ZBTB2: variants seen among roughly 807,000 people sequenced by gnomAD.
ZBTB2 encodes the protein zinc finger and BTB domain containing 2.
In ZBTB2, 2 loss-of-function variants were observed where a neutral mutation model predicts 39.5. The ratio of observed to expected loss-of-function variants is 0.05; its 90% confidence interval spans 0.02 to 0.16. The LOEUF is 0.16. Ranked by LOEUF, ZBTB2 falls within the 10% of genes least tolerant of loss-of-function variation. The pLI, the probability that ZBTB2 is intolerant of heterozygous loss-of-function variation, is 1.00. For synonymous variants in ZBTB2, 251 were observed against 256.6 expected (o/e 0.98, Z 0.21); for missense variants, 391 against 653.0 (o/e 0.60, Z 4.37).
At chr6:151,376,039 C>A (rs1429081628) in intron 1 of ZBTB2, among the ~76,000 whole-genome samples, 1 of 152,078 alleles carries the variant, frequency 6.6e-6, no homozygotes, top group African/African-American at 2.4e-5. Flanking sequence ...TAAATATGCA[C>A]AACTGATTAC....
intron 2 of ZBTB2, among the ~76,000 whole-genome samples, chr6:151,368,764 C>T (rs1778710794): frequency 7.4e-6 from 1 of 135,934 alleles, no homozygotes; most frequent in Non-Finnish European, 1.6e-5. Flanking sequence ...ATTTTTCTTT[C>T]TTTTTTTTTT....
At position 151,366,084 on chromosome 6, in the gene ZBTB2, T is replaced by C. The variant is rs767635479; in HGVS notation, c.982A>G (p.Ile328Val). ...SELQHISDSP[I>V]IDGQQQSETP... ...TCCGACTGCTGCTGCCCATCGATGA[T>C]GGGAGAATCAGAGATGTGCTGCAGC... Residue 328 changes from isoleucine (I) to valine (V), a missense_variant, in exon 3 of 3, where the codon ATC becomes GTC. By Grantham distance (29) the Ile-to-Val change is conservative. Coordinates refer to ENST00000325144, the MANE Select transcript of ZBTB2 (RefSeq NM_020861.3). This position sits in a 1 kb window ranked among gnomAD's most constrained non-coding sequence, Gnocchi z 7.1. 6.2e-7 allele frequency: 1 copy of C among 1,614,150 alleles called. No homozygotes were observed. Among genetic ancestry groups the C allele is most frequent in the Non-Finnish European group, 8.5e-7 (1 of 1,180,020 alleles).
chr6:151,373,320 G>A (rs1393450353), intron 2 of ZBTB2, 145 bp downstream of exon 2: 1 of 763,556 alleles, frequency 1.3e-6, no homozygotes, highest in East Asian at 2.7e-5. Context: ...GTAACAAGAA[G>A]GGTAGTGGGG....
intron 1 of ZBTB2, among the ~76,000 whole-genome samples, chr6:151,379,543 G>A (rs1354100393): frequency 1.4e-5 from 2 of 148,092 alleles, no homozygotes; most frequent in Non-Finnish European, 3.0e-5. Flanking sequence ...TCTGGAAGCT[G>A]AAGTGGGAGG....
rs1319941526 is a variant in ZBTB2 at position 151,366,559 on chromosome 6, C to T, written c.507G>A (p.Glu169=). The change falls in exon 3 of 3, where the codon GAG becomes GAA. Residue 169 remains glutamate (E), a synonymous_variant. Coordinates refer to ENST00000325144, the MANE Select transcript of ZBTB2 (RefSeq NM_020861.3). This position sits in a 1 kb window ranked among gnomAD's most constrained non-coding sequence, Gnocchi z 7.1. ...PRPQTSRISQ[E]QVPEASQLSQ... ...AGAGCTGTGAGGCCTCAGGGACCTG[C>T]TCCTGGCTTATCCTGGAGGTCTGTG... 1.2e-6 allele frequency: 2 copies of T among 1,614,110 alleles called. No homozygotes were observed. The highest frequency in any genetic ancestry group is 1.3e-5 in the African/African-American group (1 of 75,014).
intron 1 of ZBTB2, among the ~76,000 whole-genome samples, chr6:151,378,347 T>A (rs1053049287): frequency 6.6e-6 from 1 of 152,196 alleles, no homozygotes; most frequent in Non-Finnish European, 1.5e-5. Flanking sequence ...CATTTGGGTA[T>A]AAAGACCTAG....
At chr6:151,372,683 C>T (rs1778810722) in intron 2 of ZBTB2, among the ~76,000 whole-genome samples, 1 of 152,042 alleles carries the variant, frequency 6.6e-6, no homozygotes, top group Admixed American at 6.5e-5. Flanking sequence ...AAGAGGGAAA[C>T]TGGAGAAATT....
At chr6:151,374,999 A>T (rs1778877074) in intron 1 of ZBTB2, among the ~76,000 whole-genome samples, 1 of 151,474 alleles carries the variant, frequency 6.6e-6, no homozygotes, top group Admixed American at 6.6e-5. Context: ...AGGCGCCTGT[A>T]GTCCCAGCTA....
intron 1 of ZBTB2, among the ~76,000 whole-genome samples, chr6:151,389,599 T>G (rs1428710653): frequency 6.6e-6 from 1 of 152,212 alleles, no homozygotes; most frequent in African/African-American, 2.4e-5. Flanking sequence ...ACCTTCTTTA[T>G]GCTTTATTTT....
intron 1 of ZBTB2, among the ~76,000 whole-genome samples, chr6:151,382,655 C>T (rs1254887132): frequency 6.6e-6 from 1 of 151,766 alleles, no homozygotes; most frequent in East Asian, 1.9e-4. Context: ...CCGCTTCCCC[C>T]AGCGATTCTC....
chr6:151,390,999 C>A (rs1779288792), intron 1 of ZBTB2, among the ~76,000 whole-genome samples: 1 of 149,458 alleles, frequency 6.7e-6, no homozygotes, highest in African/African-American at 2.5e-5. Flanking sequence ...GAACGCGAAT[C>A]GCCCCCCTCC....
chr6:151,385,014 T>A (rs1562771090), intron 1 of ZBTB2, among the ~76,000 whole-genome samples: 3 of 151,260 alleles, frequency 2.0e-5, no homozygotes, highest in Non-Finnish European at 4.4e-5. Flanking sequence ...GTAAAATCCC[T>A]AACCATTTAA....
intron 1 of ZBTB2, 51 bp from the exon 2 acceptor site, chr6:151,373,700 G>C (rs1778834548): frequency 1.3e-6 from 2 of 1,539,456 alleles, no homozygotes; most frequent in Non-Finnish European, 1.8e-6. Flanking sequence ...AAATAAGAAT[G>C]TGTCCTTTAT....
Position 151,366,870 on chromosome 6 carries a change from T to C in ZBTB2, c.196A>G (p.Thr66Ala), listed in dbSNP as rs1418742067. The C allele has an allele frequency of 1.2e-6, 2 of 1,610,764 alleles. No individual in the cohort carries two copies. The highest frequency in any genetic ancestry group is 1.7e-5 in the Admixed American group (1 of 59,832). The stretch of plus-strand genomic sequence containing the variant: ...CTGAAGATGTCGGGCTGTATGTCAG[T>C]TGGTTTCAAGCGGACACACTCACTG... ...QTSECVRLKP[T>A]DIQPDIFSYL... The change falls in exon 3 of 3, where the codon ACT becomes GCT. Residue 66 changes from threonine (T) to alanine (A), a missense_variant. By Grantham distance (58) the Thr-to-Ala change is moderately conservative. Around this residue, in one of 7 missense-constraint regions of ZBTB2, gnomAD observed 38 missense variants for 109.2 expected, o/e 0.35. Coordinates refer to ENST00000325144, the MANE Select transcript of ZBTB2 (RefSeq NM_020861.3). The surrounding 1 kb of genome is among the most constrained non-coding windows in gnomAD (Gnocchi z 7.1).
intron 1 of ZBTB2, among the ~76,000 whole-genome samples, chr6:151,388,370 A>G (rs1372846144): frequency 6.6e-6 from 1 of 152,192 alleles, no homozygotes; most frequent in Non-Finnish European, 1.5e-5. Context: ...CCACCTCTAA[A>G]GCTGCTGATC....
chr6:151,388,254 G>A (rs1317442958), intron 1 of ZBTB2, among the ~76,000 whole-genome samples: 1 of 152,168 alleles, frequency 6.6e-6, no homozygotes, highest in African/African-American at 2.4e-5. Context: ...CTCCTGTGCA[G>A]GCTGGTGCCA....
At chr6:151,386,078 A>C (rs1779142874) in intron 1 of ZBTB2, among the ~76,000 whole-genome samples, 1 of 152,174 alleles carries the variant, frequency 6.6e-6, no homozygotes, top group Admixed American at 6.5e-5. Context: ...TTTAGTTTCC[A>C]AATGTAAGTT....
intron 1 of ZBTB2, among the ~76,000 whole-genome samples, chr6:151,373,868 A>AAC (rs1554336598): frequency 3.3e-4 from 49 of 146,852 alleles, no homozygotes; most frequent in Non-Finnish European, 7.3e-4. Context: ...AAAAAAAAAA[A>AAC]AAAAAAAAAC....
Position 151,370,054 on chromosome 6 carries a change from G to C in ZBTB2, c.174-3162C>G, listed in dbSNP as rs963008428. On this transcript the variant is annotated intron_variant, in intron 2 of 2. Transcript: ENST00000325144. ...CTCAGCTCACTATGCGCCAGACTTT[G>C]GTCTTTTCCCAGTCCTGTGGAAAGG... is the stretch of plus-strand genomic sequence containing the variant. The C allele has an allele frequency of 1.7e-5, 16 of 961,130 alleles. No homozygotes were observed. In the African/African-American group the frequency reaches 2.6e-4, roughly 16 times the overall value. The allele number at this position is 961,130 out of a possible 1,614,324, so 59.5% of individuals were successfully genotyped here.
Sources: allele counts gnomAD v4.1 joint callset (sites outside exome capture counted in the v4.1 genomes callset), GRCh38; gene constraint gnomAD v4.1.1; regional missense constraint gnomAD v4.1.1; non-coding constraint Gnocchi (gnomAD v3.1); transcripts MANE v1.5; gene names NCBI Gene and HGNC (gene_info 2026-07-23, HGNC 2026-07-21).